Variants in NUDCD3 observed in about 807,000 individuals in gnomAD.
NUDCD3 encodes the protein nudC domain-containing protein 3.
NUDCD3 carries 13 observed loss-of-function variants against 39.7 expected under a neutral mutation model. That is an observed-to-expected ratio of 0.33 (90% CI 0.21 to 0.52). NUDCD3 has a LOEUF of 0.52. Ranked by LOEUF, NUDCD3 falls within the 20% of genes least tolerant of loss-of-function variation. The pLI, the probability that NUDCD3 is intolerant of heterozygous loss-of-function variation, is 0.96. For missense variants in NUDCD3, 453 were observed against 458.1 expected (o/e 0.99, Z 0.10); for synonymous variants, 175 against 172.4 (o/e 1.02, Z -0.12).
chr7:44,428,524 T>C (rs1031757404), intron 2 of NUDCD3, among the ~76,000 whole-genome samples: 4 of 152,086 alleles, frequency 2.6e-5, no homozygotes, highest in Non-Finnish European at 4.4e-5. Flanking sequence ...TATTTTTTCA[T>C]AGTAAATAAA....
intron 2 of NUDCD3, among the ~76,000 whole-genome samples, chr7:44,474,362 C>T (rs1055396455): frequency 3.9e-5 from 6 of 152,166 alleles, no homozygotes; most frequent in Non-Finnish European, 8.8e-5. Flanking sequence ...AGTTAGTCCA[C>T]GAGGTAGTTC....
intron 3 of NUDCD3, among the ~76,000 whole-genome samples, chr7:44,422,864 T>G (rs906536234): frequency 6.6e-6 from 1 of 152,016 alleles, no homozygotes; most frequent in Non-Finnish European, 1.5e-5. Context: ...CAGGCCAATA[T>G]CCCTGATGAA....
intron 3 of NUDCD3, among the ~76,000 whole-genome samples, chr7:44,408,179 C>T (rs779289176): frequency 5.3e-5 from 8 of 152,084 alleles, no homozygotes; most frequent in Admixed American, 2.6e-4. Flanking sequence ...TCTACATACA[C>T]CCAAACTGAG....
intron 2 of NUDCD3, among the ~76,000 whole-genome samples, chr7:44,444,428 T>G (rs1483776614): frequency 1.3e-5 from 2 of 152,206 alleles, no homozygotes; most frequent in African/African-American, 4.8e-5. Flanking sequence ...AAAGCTTTTC[T>G]GGCTGGGAGA....
intron 1 of NUDCD3, 32 bp downstream of exon 1, chr7:44,490,377 G>A: frequency 4.0e-6 from 6 of 1,494,312 alleles, no homozygotes; most frequent in Non-Finnish European, 4.4e-6. Context: ...CGGGGGCGGC[G>A]GCTCCCCAGA....
chr7:44,403,455 T>G (rs1409006191), intron 4 of NUDCD3, among the ~76,000 whole-genome samples: 2 of 152,222 alleles, frequency 1.3e-5, no homozygotes, highest in African/African-American at 4.8e-5. Flanking sequence ...CAGAGTGAGC[T>G]CCATTGTCCA....
intron 2 of NUDCD3, among the ~76,000 whole-genome samples, chr7:44,445,459 G>C (rs1799674633): frequency 6.6e-6 from 1 of 152,162 alleles, no homozygotes; most frequent in Admixed American, 6.5e-5. Context: ...CCCTTTAATG[G>C]TATCATTTCT....
chr7:44,465,204 A>G (rs1800095161), intron 2 of NUDCD3, among the ~76,000 whole-genome samples: 3 of 152,194 alleles, frequency 2.0e-5, no homozygotes, highest in Admixed American at 2.0e-4. Flanking sequence ...TTTCCTCTAT[A>G]TTACTATAAA....
chr7:44,401,711 T>C (rs1421263839), intron 4 of NUDCD3, among the ~76,000 whole-genome samples: 2 of 152,220 alleles, frequency 1.3e-5, no homozygotes, highest in African/African-American at 4.8e-5. Context: ...CCCCTCAGTC[T>C]GCAATGGTTC....
At chr7:44,392,622 A>G (rs1473343189) in intron 4 of NUDCD3, 137 bp from the exon 5 acceptor site, 2 of 714,950 alleles carry the variant, frequency 2.8e-6, no homozygotes, top group East Asian at 5.4e-5. Flanking sequence ...GTGACAGACA[A>G]GAGGGGGTGC....
intron 4 of NUDCD3, among the ~76,000 whole-genome samples, chr7:44,393,135 G>T (rs1456922782): frequency 6.6e-6 from 1 of 152,106 alleles, no homozygotes; most frequent in African/African-American, 2.4e-5. Context: ...CTGCATGAGG[G>T]GGTCCTCCAG....
chr7:44,488,806 TG>T (rs1800671153), intron 1 of NUDCD3, among the ~76,000 whole-genome samples: 1 of 152,228 alleles, frequency 6.6e-6, no homozygotes, highest in South Asian at 2.1e-4. Context: ...TCCTAACCTA[TG>T]GAAGTGTCTT....
rs946324433 is a variant in NUDCD3 at position 44,382,704 on chromosome 7, C to T, written c.*3307G>A. On this transcript the variant is annotated 3_prime_UTR_variant, in exon 6 of 6. Coordinates refer to ENST00000355451, the MANE Select transcript of NUDCD3 (RefSeq NM_015332.4). ...TGGCCAGGTTCTGTGCTGACAACTT[C>T]GTGCTTTTCATCGACAAAGCGAGTC... The T allele has an allele frequency of 2.0e-5, 3 of 152,284 alleles. No individual in the cohort carries two copies. Among genetic ancestry groups the T allele is most frequent in the Non-Finnish European group, 4.4e-5 (3 of 68,078 alleles). The allele number at this position is 152,284 out of a possible 1,614,324, so 9.4% of individuals were successfully genotyped here.
intron 3 of NUDCD3, among the ~76,000 whole-genome samples, chr7:44,416,352 G>C (rs191532994): frequency 2.9e-3 from 434 of 152,250 alleles, no homozygotes; most frequent in Middle Eastern, 0.01. Flanking sequence ...GCCTCCCAAA[G>C]TGCTGGGATT....
chr7:44,412,006 C>G (rs943758953), intron 3 of NUDCD3, among the ~76,000 whole-genome samples: 1 of 152,200 alleles, frequency 6.6e-6, no homozygotes, highest in Non-Finnish European at 1.5e-5. Flanking sequence ...AGATTGAGAC[C>G]ACCTTAGATA....
chr7:44,388,976 G>A (rs1370497605), intron 5 of NUDCD3, among the ~76,000 whole-genome samples: 5 of 152,192 alleles, frequency 3.3e-5, no homozygotes, highest in African/African-American at 9.7e-5. Flanking sequence ...CCCAGTCTAC[G>A]GGCTCCCCCA....
At chr7:44,468,371 G>C in intron 2 of NUDCD3, 1 of 876,984 alleles carries the variant, frequency 1.1e-6, no homozygotes, top group Non-Finnish European at 1.7e-6. Flanking sequence ...AAAAAAAAAA[G>C]AAAAGAAAAC....
Position 44,449,202 on chromosome 7 carries a change from G to A in NUDCD3, c.510-21499C>T, listed in dbSNP as rs565351575. ...CACGTTTAAGGGGTGGAAACAAGAC[G>A]AGCCTAAGAAAGAGGCTGAAAGACT... On this transcript the variant is annotated intron_variant, in intron 2 of 5. Coordinates refer to ENST00000355451, the MANE Select transcript of NUDCD3 (RefSeq NM_015332.4). 1.1e-4 allele frequency among the ~76,000 whole-genome samples: 16 copies of A among 152,302 alleles called. No individual in the cohort carries two copies. In the South Asian group the frequency reaches 2.7e-3, roughly 26 times the overall value.
intron 2 of NUDCD3, among the ~76,000 whole-genome samples, chr7:44,442,609 T>C (rs932252238): frequency 6.6e-6 from 1 of 152,154 alleles, no homozygotes; most frequent in Non-Finnish European, 1.5e-5. Context: ...AGCTCACTCA[T>C]TGAATTACTT....
Sources: gnomAD v4.1 joint callset for allele counts (sites outside exome capture counted in the v4.1 genomes callset) on GRCh38, gnomAD v4.1.1 for gene constraint, MANE v1.5 for transcripts, NCBI Gene and HGNC (gene_info 2026-07-23, HGNC 2026-07-21) for gene names.